Variants in LRP4 observed in about 807,000 individuals in gnomAD.
LRP4 encodes the protein LDL receptor related protein 4, also known as low-density lipoprotein receptor-related protein 4.
LRP4 carries 95 observed loss-of-function variants against 220.3 expected under a neutral mutation model. The observed-to-expected ratio is 0.43, with a 90% CI of 0.37 to 0.51. The LOEUF is 0.51. Ranked by LOEUF, LRP4 falls within the 20% of genes least tolerant of loss-of-function variation. The pLI is 0.00. For synonymous variants in LRP4, 903 were observed against 954.6 expected (o/e 0.95, Z 1.00); for missense variants, 1,925 against 2,567.0 (o/e 0.75, Z 5.40).
intron 7 of LRP4, among the ~76,000 whole-genome samples, chr11:46,897,901 A>G (rs1195249703): frequency 6.6e-6 from 1 of 152,070 alleles, no homozygotes; most frequent in Non-Finnish European, 1.5e-5. Context: ...CACCTCCCAG[A>G]CGGGGTGGTG....
At chr11:46,893,156 T>A in intron 12 of LRP4, 27 bp from the exon 13 acceptor site, 1 of 1,614,046 alleles carries the variant, frequency 6.2e-7, no homozygotes, top group Non-Finnish European at 8.5e-7. Context: ...GCAAAAAATG[T>A]CAAGGAGTCA....
intron 7 of LRP4, among the ~76,000 whole-genome samples, chr11:46,897,826 C>T (rs1181875912): frequency 1.3e-5 from 2 of 152,246 alleles, no homozygotes; most frequent in Non-Finnish European, 2.9e-5. Context: ...CCCCACCTTT[C>T]CCTCCTTTCT....
Position 46,883,683 on chromosome 11 carries a change from G to C in LRP4, c.2612+188C>G, listed in dbSNP as rs12286167. ...TGTGTGTGTATCTTTAATTCCTCTA[G>C]CACCACTGGGTTAGGGTCTCCCCGA... On this transcript the variant is annotated intron_variant, in intron 19 of 37. Transcript: ENST00000378623. Among the ~76,000 whole-genome samples, 6,779 of 152,154 alleles carry C rather than the reference G, an allele frequency of 0.045. 503 individuals are homozygous for C. The highest frequency in any genetic ancestry group is 0.15 in the African/African-American group (6,396 of 41,464).
At chr11:46,903,063 C>T in intron 1 of LRP4, 134 bp from the exon 2 acceptor site, 1 of 1,072,612 alleles carries the variant, frequency 9.3e-7, no homozygotes, top group Non-Finnish European at 1.4e-6. Context: ...AAGGGAGATG[C>T]AGGCAGTAAA....
At chr11:46,885,975 T>C (rs111605078) in intron 18 of LRP4, 116 bp downstream of exon 18, 16 of 891,700 alleles carry the variant, frequency 1.8e-5, no homozygotes, top group Middle Eastern at 3.3e-4. Context: ...ACCAAGGACT[T>C]GAAGTGAAGA....
In LRP4 at chr11:46,899,837, T is replaced by G; in HGVS notation, c.430+26A>C. On this transcript the variant is annotated intron_variant, in intron 4 of 37. Coordinates refer to ENST00000378623, the MANE Select transcript of LRP4 (RefSeq NM_002334.4). This position sits in a 1 kb window ranked among gnomAD's most constrained non-coding sequence, Gnocchi z 5.9. ...CAGGCCACCCACTGGCCACCTTGCC[T>G]GCCTTCCCCCGTTGGGGTCACCCAC... is the stretch of plus-strand genomic sequence containing the variant. 1 of 1,604,338 alleles carries G rather than the reference T, an allele frequency of 6.2e-7. No individual in the cohort carries two copies. The highest frequency in any genetic ancestry group is 8.5e-7 in the Non-Finnish European group (1 of 1,171,976).
At chr11:46,868,394 T>C (rs951978793) in intron 33 of LRP4, among the ~76,000 whole-genome samples, 1 of 152,236 alleles carries the variant, frequency 6.6e-6, no homozygotes, top group Non-Finnish European at 1.5e-5. Context: ...ACCTGAATTC[T>C]GTTCCTGCAA....
intron 25 of LRP4, 122 bp from the exon 26 acceptor site, chr11:46,876,088 C>T: frequency 9.2e-7 from 1 of 1,089,330 alleles, no homozygotes. Context: ...AAAATTTTTG[C>T]TTGACAAAGT....
In LRP4 at chr11:46,896,008, C is replaced by T. The variant is rs144710408; in HGVS notation, c.1059G>A (p.Thr353=). The change falls in exon 10 of 38, where the codon ACG becomes ACA. Residue 353 remains threonine (T), a synonymous_variant. Transcript: ENST00000378623. The part of the protein sequence containing the change: ...ESPQQNCRPR[T]GEENCNVNNG... ...TGTTAACATTGCAGTTCTCCTCACC[C>T]GTCCGGGGCCCTGTGCCAGCCAAGC... 9.2e-5 allele frequency: 149 copies of T among 1,614,008 alleles called. No homozygotes were observed. Among genetic ancestry groups the T allele is most frequent in the African/African-American group, 4.1e-4 (31 of 74,944 alleles).
chr11:46,862,614 T>C lies in LRP4; in HGVS notation c.5377A>G (p.Lys1793Glu), dbSNP rs1940587174. 4 of 1,614,006 alleles carry C rather than the reference T, an allele frequency of 2.5e-6. No homozygotes were observed. The Admixed American group carries it at 6.7e-5, about 27-fold the overall frequency. Residue 1793 changes from lysine to glutamate, a missense_variant, in exon 37 of 38, where the codon AAG (lysine) becomes GAG (glutamate). Lys to Glu is a moderately conservative substitution (Grantham distance 56). Around this residue, in one of 3 missense-constraint regions of LRP4, gnomAD observed 1,244 missense variants for 1,624.9 expected, o/e 0.77. Transcript: ENST00000378623. ...KPAMYNQLCYKKEGGPDHNYT... is the reference protein window; with the variant it reads ...KPAMYNQLCYEKEGGPDHNYT... ...TAAATTTCAATTTTTACCTCTTTCT[T>C]ATAGCACAGCTGGTTGTACATGGCT...
chr11:46,906,543 T>C (rs183196109), intron 1 of LRP4, among the ~76,000 whole-genome samples: 2 of 151,906 alleles, frequency 1.3e-5, no homozygotes, highest in Non-Finnish European at 2.9e-5. Flanking sequence ...AGATGTTCAA[T>C]AATGGAGGCT....
In LRP4 at chr11:46,875,691, A is replaced by G. The variant is rs975882066; in HGVS notation, c.3700-10T>C. The G allele has an allele frequency of 1.9e-6, 3 of 1,613,600 alleles. No homozygotes were observed. Reference sequence around the variant, plus strand: ...CAGCAGCCTCAATTCGCTGCAGAGGAAGGAGAGGGTGGGGGGTGGTGATCA... The same window carrying G: ...CAGCAGCCTCAATTCGCTGCAGAGGGAGGAGAGGGTGGGGGGTGGTGATCA... On this transcript the variant is annotated splice_polypyrimidine_tract_variant and intron_variant, in intron 26 of 37. Coordinates refer to ENST00000378623, the MANE Select transcript of LRP4 (RefSeq NM_002334.4). This position sits in a 1 kb window ranked among gnomAD's most constrained non-coding sequence, Gnocchi z 4.5.
Position 46,918,457 on chromosome 11 carries a change from C to G in LRP4, c.-78G>C. The G allele has an allele frequency of 4.4e-6, 5 of 1,136,050 alleles. No individual in the cohort carries two copies. The highest frequency in any genetic ancestry group is 5.6e-6 in the Non-Finnish European group (5 of 900,462). 70.4% of individuals were successfully genotyped at this position (1,136,050 alleles called of 1,614,324 possible). A position where few individuals can be genotyped will look rare whatever the true frequency, so the allele number is the denominator to read the frequency against. ...CGGCGGAGAAGCCCGCGGAGGGTCC[C>G]CGAGGGGGAAGCGTCCCGGGTGCAC... On this transcript the variant is annotated 5_prime_UTR_variant, in exon 1 of 38. Transcript: ENST00000378623. The surrounding 1 kb of genome is among the most constrained non-coding windows in gnomAD (Gnocchi z 6.0).
chr11:46,872,831 G>T lies in LRP4; in HGVS notation c.4583+269C>A, dbSNP rs1331273020. On this transcript the variant is annotated intron_variant, in intron 30 of 37. Coordinates refer to ENST00000378623, the MANE Select transcript of LRP4 (RefSeq NM_002334.4). ...AATCAGCCCTTAAATGAGTAGGGGTGTGAGACCTGTGGTCCAGCCAGAAGA... is the reference window on the plus strand; with the variant it reads ...AATCAGCCCTTAAATGAGTAGGGGTTTGAGACCTGTGGTCCAGCCAGAAGA... Among the ~76,000 whole-genome samples, 3 of 152,218 alleles carry T rather than the reference G, an allele frequency of 2.0e-5. No homozygotes were observed. The East Asian group carries it at 5.8e-4, about 29-fold the overall frequency.
chr11:46,897,131 T>C (rs1380871462), intron 7 of LRP4, 137 bp from the exon 8 acceptor site: 6 of 1,140,660 alleles, frequency 5.3e-6, no homozygotes, highest in African/African-American at 1.5e-5. Context: ...ATAGTGTCTT[T>C]GTGTGAATCA....
intron 1 of LRP4, among the ~76,000 whole-genome samples, chr11:46,911,945 C>T (rs1019645836): frequency 2.7e-5 from 4 of 149,382 alleles, no homozygotes; most frequent in Non-Finnish European, 5.9e-5. Flanking sequence ...CAGGTTCAAG[C>T]GATTCTCCCA....
intron 36 of LRP4, 158 bp from the exon 37 acceptor site, chr11:46,862,905 G>A: frequency 1.5e-6 from 1 of 688,182 alleles, no homozygotes; most frequent in South Asian, 1.6e-5. Flanking sequence ...CCTTGAGTGT[G>A]GACTGTTCTG....
intron 10 of LRP4, among the ~76,000 whole-genome samples, chr11:46,895,510 G>A (rs916936889): frequency 3.9e-4 from 59 of 152,130 alleles, no homozygotes; most frequent in Admixed American, 1.8e-3. Flanking sequence ...GAACCCAGGA[G>A]GCGGAGGCTG....
intron 25 of LRP4, 151 bp from the exon 26 acceptor site, chr11:46,876,117 T>C (rs918884996): frequency 7.4e-6 from 6 of 810,720 alleles, no homozygotes; most frequent in Admixed American, 4.0e-5. Context: ...AAATACTTCA[T>C]GTGCATTATC....
Sources: gnomAD v4.1 joint callset for allele counts (sites outside exome capture counted in the v4.1 genomes callset) on GRCh38, gnomAD v4.1.1 for gene constraint, gnomAD v4.1.1 regional missense constraint, Gnocchi (gnomAD v3.1) non-coding constraint, MANE v1.5 for transcripts, NCBI Gene and HGNC (gene_info 2026-07-23, HGNC 2026-07-21) for gene names.